The following DGUOK variants were observed in gnomAD, a reference collection of about 807,000 sequenced individuals.
The protein encoded by DGUOK is deoxyguanosine kinase, mitochondrial.
A neutral mutation model predicts 36.6 loss-of-function variants in DGUOK; 30 were observed. The observed-to-expected ratio is 0.82, with a 90% CI of 0.61 to 1.11. The LOEUF is 1.11. Among genes scored for constraint, DGUOK ranks in the 50% most tolerant of loss-of-function variants. The probability of loss-of-function intolerance (pLI) is 0.00; values close to 1 mark genes in which losing one functional copy is unlikely to be tolerated. For synonymous variants in DGUOK, 145 were observed against 126.3 expected (o/e 1.15, Z -0.99); for missense variants, 361 against 336.4 (o/e 1.07, Z -0.57).
intron 2 of DGUOK, among the ~76,000 whole-genome samples, chr2:73,942,445 G>T (rs831547): frequency 0.63 from 95,463 of 151,962 alleles, 30,599 homozygotes; most frequent in Non-Finnish European, 0.69. Context: ...TATCTACTTA[G>T]CCAGTAGTAT....
At chr2:73,927,128 C>T (rs369195052) in intron 1 of DGUOK, 76 bp downstream of exon 1, 3 of 1,589,160 alleles carry the variant, frequency 1.9e-6, no homozygotes, top group Non-Finnish European at 2.6e-6. Context: ...GAGCTGGGCC[C>T]GGAATGGCCT....
intron 4 of DGUOK, among the ~76,000 whole-genome samples, chr2:73,955,683 G>A (rs1683036782): frequency 6.6e-6 from 1 of 152,014 alleles, no homozygotes; most frequent in Non-Finnish European, 1.5e-5. Context: ...GACCATCCTG[G>A]CCGACATGGT....
chr2:73,958,606 C>G, intron 6 of DGUOK, 104 bp from the exon 7 acceptor site: 1 of 1,006,300 alleles, frequency 9.9e-7, no homozygotes, highest in South Asian at 1.3e-5. Flanking sequence ...TTTTCCTTTC[C>G]TCACAAAAAC....
intron 1 of DGUOK, among the ~76,000 whole-genome samples, chr2:73,929,411 G>C (rs1394519483): frequency 6.6e-6 from 1 of 152,214 alleles, no homozygotes; most frequent in Non-Finnish European, 1.5e-5. Flanking sequence ...TTTTAAGCAT[G>C]TTAGGTTTTT....
intron 2 of DGUOK, among the ~76,000 whole-genome samples, chr2:73,944,249 G>A (rs1445436377): frequency 6.6e-6 from 1 of 151,956 alleles, no homozygotes; most frequent in African/African-American, 2.4e-5. Flanking sequence ...TGAACTCTTG[G>A]CCTCAAGCAA....
intron 3 of DGUOK, among the ~76,000 whole-genome samples, chr2:73,948,841 C>T (rs1231794465): frequency 6.6e-6 from 1 of 152,186 alleles, no homozygotes; most frequent in Non-Finnish European, 1.5e-5. Context: ...CCTTCTGCCC[C>T]TCACCCCATC....
chr2:73,932,719 T>C, intron 1 of DGUOK: 1 of 1,138,152 alleles, frequency 8.8e-7, no homozygotes, highest in Non-Finnish European at 1.2e-6. Context: ...TTCCTTCTGC[T>C]CTAAGTCCTA....
chr2:73,939,526 C>T lies in DGUOK; in HGVS notation c.255+504C>T, dbSNP rs578092982. On this transcript the variant is annotated intron_variant, in intron 2 of 6. Transcript: ENST00000264093. The stretch of plus-strand genomic sequence containing the variant: ...GTACTATGCCAAGCACAGTACATTT[C>T]ACTTACACCTCATGGCTTAGGCCCT... Among the ~76,000 whole-genome samples, 3 of 152,356 alleles carry T rather than the reference C, an allele frequency of 2.0e-5. No individual in the cohort carries two copies. In the East Asian group the frequency reaches 5.8e-4, roughly 29 times the overall value.
chr2:73,956,798 GAT>G (rs1683128606), intron 4 of DGUOK, among the ~76,000 whole-genome samples: 1 of 152,202 alleles, frequency 6.6e-6, no homozygotes, highest in Non-Finnish European at 1.5e-5. Flanking sequence ...ATTCTAGAGA[GAT>G]GAAAGAGAAT....
intron 1 of DGUOK, among the ~76,000 whole-genome samples, chr2:73,933,402 T>C (rs1012781739): frequency 6.6e-6 from 1 of 152,188 alleles, no homozygotes; most frequent in Non-Finnish European, 1.5e-5. Flanking sequence ...CGTAATCCTT[T>C]GGTAAACCAG....
At chr2:73,930,303 A>G (rs1421547569) in intron 1 of DGUOK, among the ~76,000 whole-genome samples, 1 of 152,216 alleles carries the variant, frequency 6.6e-6, no homozygotes, top group Non-Finnish European at 1.5e-5. Context: ...ACTGGGTACC[A>G]TTTAGGACCC....
At chr2:73,933,053 A>T (rs1285370691) in intron 1 of DGUOK, among the ~76,000 whole-genome samples, 2 of 152,202 alleles carry the variant, frequency 1.3e-5, no homozygotes, top group Non-Finnish European at 2.9e-5. Flanking sequence ...ACCCAACCAG[A>T]AAAGAGGAAA....
In DGUOK at chr2:73,926,900, T is replaced by C. The variant is rs763099320; in HGVS notation, c.-11T>C. 1.2e-6 allele frequency: 2 copies of C among 1,613,276 alleles called. No individual in the cohort carries two copies. Among genetic ancestry groups the C allele is most frequent in the South Asian group, 1.1e-5 (1 of 91,094 alleles). On this transcript the variant is annotated 5_prime_UTR_variant, in exon 1 of 7. Transcript: ENST00000264093. ...TCGGCGGAAGTGATCGCTGTGTGAA[T>C]CGTGGGTGGGATGGCCGCGGGCCGC...
At chr2:73,954,121 T>C (rs1405498553) in intron 4 of DGUOK, among the ~76,000 whole-genome samples, 1 of 152,042 alleles carries the variant, frequency 6.6e-6, no homozygotes, top group African/African-American at 2.4e-5. Context: ...GTGGGAGGAC[T>C]GCTTGAGCCC....
chr2:73,941,081 A>G (rs1681869657), intron 2 of DGUOK, among the ~76,000 whole-genome samples: 1 of 152,236 alleles, frequency 6.6e-6, no homozygotes, highest in South Asian at 2.1e-4. Context: ...AGGGTAGGTC[A>G]TAAGAGACAC....
At chr2:73,943,322 A>AT (rs1558654181) in intron 2 of DGUOK, among the ~76,000 whole-genome samples, 2 of 127,952 alleles carry the variant, frequency 1.6e-5, no homozygotes, top group South Asian at 2.7e-4. Context: ...TCTACTTAAA[A>AT]ATTTTTTTTT....
intron 4 of DGUOK, among the ~76,000 whole-genome samples, chr2:73,950,983 C>T (rs1192863449): frequency 3.9e-5 from 6 of 152,116 alleles, no homozygotes; most frequent in East Asian, 1.9e-4. Flanking sequence ...CAGAGCAAAT[C>T]GAGTGTCATC....
chr2:73,927,939 C>G (rs1299207640), intron 1 of DGUOK, among the ~76,000 whole-genome samples: 1 of 152,146 alleles, frequency 6.6e-6, no homozygotes, highest in African/African-American at 2.4e-5. Flanking sequence ...TGAGCCACTT[C>G]CATATGCCAG....
chr2:73,926,931 T>C lies in DGUOK; in HGVS notation c.21T>C (p.Phe7=). 6.2e-7 allele frequency: 1 copy of C among 1,613,564 alleles called. No homozygotes were observed. Among genetic ancestry groups the C allele is most frequent in the South Asian group, 1.1e-5 (1 of 91,086 alleles). The part of the protein sequence containing the change: MAAGRL[F]LSRLRAPFSS... Reference sequence around the variant, plus strand: ...GTGGGATGGCCGCGGGCCGCCTCTTTCTAAGTCGGCTTCGAGCACCCTTCA... The same window carrying C: ...GTGGGATGGCCGCGGGCCGCCTCTTCCTAAGTCGGCTTCGAGCACCCTTCA... Residue 7 remains phenylalanine (F), a synonymous_variant, in exon 1 of 7, where the codon TTT becomes TTC. Coordinates refer to ENST00000264093, the MANE Select transcript of DGUOK (RefSeq NM_080916.3).
Sources: allele counts gnomAD v4.1 joint callset (sites outside exome capture counted in the v4.1 genomes callset), GRCh38; gene constraint gnomAD v4.1.1; transcripts MANE v1.5; gene names NCBI Gene and HGNC (gene_info 2026-07-23, HGNC 2026-07-21).